The following STK38L variants were observed in gnomAD, a reference collection of about 807,000 sequenced individuals.
The protein encoded by STK38L is serine/threonine kinase 38 like.
A neutral mutation model predicts 59.7 loss-of-function variants in STK38L; 28 were observed. The ratio of observed to expected loss-of-function variants is 0.47; its 90% CI spans 0.35 to 0.64. The LOEUF (loss-of-function observed/expected upper bound fraction) is 0.64. Ranked by LOEUF, STK38L falls within the 30% of genes least tolerant of loss-of-function variation. The probability of loss-of-function intolerance (pLI) is 0.01; values close to 1 mark genes in which losing one functional copy is unlikely to be tolerated. For synonymous variants in STK38L, 162 were observed against 176.8 expected (o/e 0.92, Z 0.66); for missense variants, 314 against 555.8 (o/e 0.56, Z 4.37).
chr12:27,313,422 C>T (rs1236848502), intron 6 of STK38L, among the ~76,000 whole-genome samples: 1 of 152,076 alleles, frequency 6.6e-6, no homozygotes, highest in African/African-American at 2.4e-5. Context: ...CGCTCTGTTG[C>T]CTAGGCTGGA....
At chr12:27,275,581 C>T (rs995128440) in intron 1 of STK38L, among the ~76,000 whole-genome samples, 14 of 151,956 alleles carry the variant, frequency 9.2e-5, no homozygotes, top group African/African-American at 1.7e-4. Context: ...TCAGGTGATC[C>T]GCTCACCTCG....
chr12:27,322,605 GACT>G lies in STK38L; in HGVS notation c.*155_*157del. 5 of 1,100,708 alleles carry G rather than the reference GACT, an allele frequency of 4.5e-6. No homozygotes were observed. Among genetic ancestry groups the G allele is most frequent in the Non-Finnish European group, 6.1e-6 (5 of 818,364 alleles). The allele number at this position is 1,100,708 out of a possible 1,614,324, so 68.2% of individuals were successfully genotyped here. On this transcript the variant is annotated 3_prime_UTR_variant, in exon 14 of 14. Coordinates refer to ENST00000389032, the MANE Select transcript of STK38L (RefSeq NM_015000.4). Reference sequence around the variant, plus strand: ...AATTCTACAGGATTAGGATTTCTAAGACTACTATAGGAATTGGTTGGCAGTGCC... The same window carrying G: ...AATTCTACAGGATTAGGATTTCTAAGACTATAGGAATTGGTTGGCAGTGCC...
chr12:27,320,660 T>A (rs12830735), intron 12 of STK38L, among the ~76,000 whole-genome samples: 19,727 of 152,102 alleles, frequency 0.13, 1,519 homozygotes, highest in Middle Eastern at 0.24. Flanking sequence ...TTACTTGCGT[T>A]TCTCATCTTA....
intron 3 of STK38L, among the ~76,000 whole-genome samples, chr12:27,306,460 GCT>G (rs957660069): frequency 1.3e-4 from 19 of 151,690 alleles, no homozygotes; most frequent in Non-Finnish European, 2.6e-4. Flanking sequence ...ACTTTTTAGA[GCT>G]CTCTTTTGTT....
rs1944388752 is a variant in STK38L, at chr12:27,308,916, ATT to A, written c.310-197_310-196del. Reference sequence around the variant, plus strand: ...AATATATAAATATATATAAATATATATTAATATATATAAAATATATATAAATA... The same window carrying A: ...AATATATAAATATATATAAATATATAAATATATATAAAATATATATAAATA... On this transcript the variant is annotated intron_variant, in intron 4 of 13. Coordinates refer to ENST00000389032, the MANE Select transcript of STK38L (RefSeq NM_015000.4). The surrounding 1 kb of genome is among the most constrained non-coding windows in gnomAD (Gnocchi z 4.5). Among the ~76,000 whole-genome samples, 1 of 146,230 alleles carries A rather than the reference ATT, an allele frequency of 6.8e-6. No homozygotes were observed. The highest frequency in any genetic ancestry group is 2.1e-4 in the South Asian group (1 of 4,782).
At chr12:27,256,801 A>G (rs1419332535) in intron 1 of STK38L, among the ~76,000 whole-genome samples, 1 of 152,208 alleles carries the variant, frequency 6.6e-6, no homozygotes, top group Non-Finnish European at 1.5e-5. Context: ...TCTCTCTTTC[A>G]GGCTAAGTAT....
intron 1 of STK38L, among the ~76,000 whole-genome samples, chr12:27,288,654 T>C (rs915602054): frequency 6.6e-6 from 1 of 151,728 alleles, no homozygotes; most frequent in African/African-American, 2.4e-5. Context: ...ATAAATTCTA[T>C]AAATTTCTGT....
intron 5 of STK38L, among the ~76,000 whole-genome samples, chr12:27,312,278 T>G (rs993505401): frequency 6.6e-6 from 1 of 152,218 alleles, no homozygotes; most frequent in African/African-American, 2.4e-5. Flanking sequence ...TAAAAAGTTG[T>G]TAGACTGATT....
rs1944537446 is a variant in STK38L, at chr12:27,314,494, C to T, written c.518-10C>T. The T allele has an allele frequency of 1.3e-6, 2 of 1,521,324 alleles. No homozygotes were observed. The highest frequency in any genetic ancestry group is 1.4e-5 in the African/African-American group (1 of 70,384). The allele number at this position is 1,521,324 out of a possible 1,614,324, so 94.2% of individuals were successfully genotyped here. ...TTCAATAATAATATATTTGACTATCCTTTATTTAGGTGACATGATGACATT... is the reference window on the plus strand; with the variant it reads ...TTCAATAATAATATATTTGACTATCTTTTATTTAGGTGACATGATGACATT... On this transcript the variant is annotated splice_polypyrimidine_tract_variant and intron_variant, in intron 6 of 13. Transcript: ENST00000389032.
chr12:27,317,921 A>C lies in STK38L; in HGVS notation c.981A>C (p.Thr327=). ...LIGYPPFCSE[T]PQETYRKVMN... Reference sequence around the variant, plus strand: ...GATATCCACCTTTCTGCTCTGAAACACCTCAAGAAACGTACAGAAAAGTGA... The same window carrying C: ...GATATCCACCTTTCTGCTCTGAAACCCCTCAAGAAACGTACAGAAAAGTGA... The change falls in exon 11 of 14, where the codon ACA becomes ACC. Residue 327 remains threonine, a synonymous_variant. Coordinates refer to ENST00000389032, the MANE Select transcript of STK38L (RefSeq NM_015000.4). 6.2e-7 allele frequency: 1 copy of C among 1,613,918 alleles called. No individual in the cohort carries two copies. The highest frequency in any genetic ancestry group is 8.5e-7 in the Non-Finnish European group (1 of 1,179,908).
chr12:27,270,793 T>C (rs530071235), intron 1 of STK38L, among the ~76,000 whole-genome samples: 33 of 152,308 alleles, frequency 2.2e-4, no homozygotes, highest in Non-Finnish European at 2.4e-4. Flanking sequence ...GGATTATAGG[T>C]GTGAACCACC....
At chr12:27,286,112 C>T (rs1022583220) in intron 1 of STK38L, among the ~76,000 whole-genome samples, 1 of 152,098 alleles carries the variant, frequency 6.6e-6, no homozygotes, top group African/African-American at 2.4e-5. Context: ...TCCATGACAT[C>T]CAACTTTTTT....
chr12:27,274,369 CT>C (rs1182175142), intron 1 of STK38L, among the ~76,000 whole-genome samples: 3 of 152,188 alleles, frequency 2.0e-5, no homozygotes, highest in Admixed American at 1.3e-4. Context: ...TAACTATCCT[CT>C]CCATTATTTT....
At chr12:27,266,881 T>C (rs1294911873) in intron 1 of STK38L, among the ~76,000 whole-genome samples, 1 of 152,216 alleles carries the variant, frequency 6.6e-6, no homozygotes, top group Non-Finnish European at 1.5e-5. Flanking sequence ...CCTTCCTTCA[T>C]AGGTTCAGTT....
chr12:27,280,001 G>A (rs1280802100), intron 1 of STK38L, among the ~76,000 whole-genome samples: 2 of 152,078 alleles, frequency 1.3e-5, no homozygotes, highest in African/African-American at 4.8e-5. Context: ...TGTGGGAAGC[G>A]CCTACTTTAT....
intron 5 of STK38L, among the ~76,000 whole-genome samples, chr12:27,309,607 C>G (rs1056642146): frequency 6.6e-6 from 1 of 152,202 alleles, no homozygotes; most frequent in Admixed American, 6.5e-5. Flanking sequence ...TGAGAACTCT[C>G]TGGTGTCTCT....
In STK38L at chr12:27,324,564, GT is replaced by G. The variant is rs1944799678; in HGVS notation, c.*2113del. On this transcript the variant is annotated 3_prime_UTR_variant, in exon 14 of 14. Transcript: ENST00000389032. ...TTAATTGCATAATAGAGCATTTTTTGTTTTGAGTTCCCTCATTCTTATTACC... is the reference window on the plus strand; with the variant it reads ...TTAATTGCATAATAGAGCATTTTTTGTTTGAGTTCCCTCATTCTTATTACC... 2 of 151,866 alleles carry G rather than the reference GT, an allele frequency of 1.3e-5. No individual in the cohort carries two copies. Among genetic ancestry groups the G allele is most frequent in the Non-Finnish European group, 2.9e-5 (2 of 67,870 alleles). The allele number at this position is 151,866 out of a possible 1,614,324, so 9.4% of individuals were successfully genotyped here. A position where few individuals can be genotyped will look rare whatever the true frequency, so the allele number is the denominator to read the frequency against.
At chr12:27,310,847 C>T (rs978537302) in intron 5 of STK38L, among the ~76,000 whole-genome samples, 1 of 152,104 alleles carries the variant, frequency 6.6e-6, no homozygotes, top group Admixed American at 6.5e-5. Flanking sequence ...CGTCTAGTTG[C>T]CTTTGCATTT....
intron 11 of STK38L, among the ~76,000 whole-genome samples, chr12:27,318,755 G>T (rs1250891968): frequency 6.6e-6 from 1 of 152,158 alleles, no homozygotes; most frequent in Non-Finnish European, 1.5e-5. Flanking sequence ...ACTCTGGGAG[G>T]CCGAGTTGGG....
Sources: allele counts gnomAD v4.1 joint callset (sites outside exome capture counted in the v4.1 genomes callset), GRCh38; gene constraint gnomAD v4.1.1; non-coding constraint Gnocchi (gnomAD v3.1); transcripts MANE v1.5; gene names NCBI Gene and HGNC (gene_info 2026-07-23, HGNC 2026-07-21).